ITFG2: variants seen among roughly 807,000 people sequenced by gnomAD.
The protein encoded by ITFG2 is integrin alpha FG-GAP repeat containing 2.
Under a neutral mutation model 54.4 loss-of-function variants are expected in ITFG2, and 36 were observed. The ratio of observed to expected loss-of-function variants is 0.66; its 90% CI spans 0.51 to 0.87. The LOEUF (loss-of-function observed/expected upper bound fraction) is 0.87. Ranked by LOEUF, ITFG2 falls within the 40% of genes least tolerant of loss-of-function variation. The pLI, the probability that ITFG2 is intolerant of heterozygous loss-of-function variation, is 0.00. For synonymous variants in ITFG2, 211 were observed against 225.4 expected (o/e 0.94, Z 0.57); for missense variants, 524 against 576.7 (o/e 0.91, Z 0.94).
At chr12:2,848,983 C>G in intron 2 of ITFG2, 2 of 504,118 alleles carry the variant, frequency 4.0e-6, no homozygotes, top group South Asian at 4.7e-5. Context: ...TACCCAGCCT[C>G]CTGGCCGCAG....
At chr12:2,825,790 TCTCA>T (rs2153925395), downstream of ITFG2, 1 of 152,350 alleles carries the variant, frequency 6.6e-6, no homozygotes, top group Admixed American at 6.5e-5. Context: ...GGAGACAGGG[TCTCA>T]CTCCTTCACC....
At chr12:2,832,507 GT>G (rs2098008604), upstream of ITFG2, among the ~76,000 whole-genome samples, 1 of 151,894 alleles carries the variant, frequency 6.6e-6, no homozygotes, top group Admixed American at 6.6e-5. Flanking sequence ...TGAGAGAGAG[GT>G]TGTATCTTAA....
exon 4 of ITFG2, chr12:2,859,731 G>A (rs1164105928): frequency 7.8e-6 from 9 of 1,157,424 alleles, no homozygotes; most frequent in South Asian, 1.5e-5. Flanking sequence ...TATCACATAC[G>A]GGTTCTGATC....
chr12:2,835,159 A>ATG (rs375198605), upstream of ITFG2: 64,467 of 1,095,498 alleles, frequency 0.059, 464 homozygotes, highest in East Asian at 0.092. Context: ...GATGGGGCGT[A>ATG]TGTGTGTGTG....
chr12:2,855,259 C>G (rs1228031541), intron 2 of ITFG2: 5 of 1,511,822 alleles, frequency 3.3e-6, no homozygotes, highest in Non-Finnish European at 4.4e-6. Flanking sequence ...CTGGGCGCCA[C>G]CCTTCCAAGG....
chr12:2,814,334 CT>C (rs1269856949), intron 1 of ITFG2, among the ~76,000 whole-genome samples: 3 of 152,122 alleles, frequency 2.0e-5, no homozygotes, highest in Non-Finnish European at 2.9e-5. Flanking sequence ...AAAGCATTCC[CT>C]TTTTTTATAG....
Position 2,812,728 on chromosome 12 carries a change from G to C in ITFG2, c.-33G>C. ...ACGGGGGTTCAGGGAATATTTACTG[G>C]GCCTCTCCGCTCCCTCTGCTCTTGG... is the stretch of plus-strand genomic sequence containing the variant. On this transcript the variant is annotated 5_prime_UTR_variant, in exon 1 of 12. Transcript: ENST00000228799. 1 of 1,572,576 alleles carries C rather than the reference G, an allele frequency of 6.4e-7. No homozygotes were observed. The highest frequency in any genetic ancestry group is 8.7e-7 in the Non-Finnish European group (1 of 1,144,186).
At chr12:2,827,196 T>C, downstream of ITFG2, 1 of 1,614,066 alleles carries the variant, frequency 6.2e-7, no homozygotes, top group Non-Finnish European at 8.5e-7. This position sits in a 1 kb window ranked among gnomAD's most constrained non-coding sequence, Gnocchi z 4.0. Flanking sequence ...GGGGACTGAC[T>C]GAGACAGCAG....
intron 3 of ITFG2, chr12:2,858,872 G>A (rs113780841): frequency 6.8e-5 from 109 of 1,613,998 alleles, no homozygotes; most frequent in Admixed American, 1.5e-4. Context: ...CAAAGGGGAC[G>A]GAGATGAGGT....
chr12:2,836,784 C>T (rs529432192), upstream of ITFG2: 13 of 152,270 alleles, frequency 8.5e-5, no homozygotes, highest in South Asian at 4.2e-4. Flanking sequence ...ATGGGGAGAA[C>T]GCCACGTGAA....
intron 2 of ITFG2, chr12:2,830,568 C>T (rs2097996347): frequency 4.7e-6 from 4 of 855,310 alleles, no homozygotes; most frequent in Non-Finnish European, 7.1e-6. Flanking sequence ...GGTAGAGGAT[C>T]CTGGTTAGGT....
chr12:2,849,819 C>G (rs2098064356), intron 2 of ITFG2, among the ~76,000 whole-genome samples: 1 of 152,212 alleles, frequency 6.6e-6, no homozygotes, highest in African/African-American at 2.4e-5. Context: ...AATCCAGATT[C>G]TAACTGTCCT....
chr12:2,817,939 A>T lies in ITFG2; in HGVS notation c.223A>T (p.Asn75Tyr), dbSNP rs2097927367. The T allele has an allele frequency of 6.2e-7, 1 of 1,613,770 alleles. No homozygotes were observed. The highest frequency in any genetic ancestry group is 1.7e-5 in the Admixed American group (1 of 59,920). ...TTGCGTTGGGGTTGGAGACGTGTGT[A>T]ATAAAGGAAAGGTAAGAACTATAGG... ...LTCVGVGDVC[N>Y]KGKNLLVAVS... The change falls in exon 3 of 12, where the codon AAT becomes TAT. Residue 75 changes from asparagine (N) to tyrosine (Y), a missense_variant. By Grantham distance (143) the Asn-to-Tyr change is moderately radical. Transcript: ENST00000228799.
chr12:2,833,017 C>G (rs535427085), upstream of ITFG2, among the ~76,000 whole-genome samples: 3 of 152,002 alleles, frequency 2.0e-5, no homozygotes, highest in African/African-American at 7.2e-5. Context: ...AGGCCCCTCC[C>G]GCTGTTGTGC....
At chr12:2,821,234 G>A (rs370096770) in intron 6 of ITFG2, 28 bp from the exon 7 acceptor site, 17 of 1,565,256 alleles carry the variant, frequency 1.1e-5, no homozygotes, top group African/African-American at 8.1e-5. Flanking sequence ...TTGGTCTCCC[G>A]CTTGATCCGT....
rs766524011 is a variant in ITFG2 at position 2,821,275 on chromosome 12, G to T, written c.709G>T (p.Ala237Ser). The T allele has an allele frequency of 3.7e-6, 6 of 1,607,438 alleles. No individual in the cohort carries two copies. Among genetic ancestry groups the T allele is most frequent in the Admixed American group, 1.7e-5 (1 of 59,274 alleles). ...PTDGSRETPAARDVVLHQTSG... is the reference protein window; with the variant it reads ...PTDGSRETPASRDVVLHQTSG... ...TGCTGTGCACAGGGAGACCCCAGCT[G>T]CCCGAGACGTGGTGCTGCACCAGAC... Residue 237 changes from alanine to serine, a missense_variant, in exon 7 of 12, where the codon GCC (alanine) becomes TCC (serine). Coordinates refer to ENST00000228799, the MANE Select transcript of ITFG2 (RefSeq NM_018463.4).
intron 1 of ITFG2, among the ~76,000 whole-genome samples, chr12:2,839,088 TC>T (rs1415473449): frequency 6.6e-6 from 1 of 151,980 alleles, no homozygotes; most frequent in Non-Finnish European, 1.5e-5. Context: ...GGTCAGGAGT[TC>T]GAGACCAGCC....
At chr12:2,858,932 A>T in intron 3 of ITFG2, 2 of 1,613,702 alleles carry the variant, frequency 1.2e-6, no homozygotes, top group Non-Finnish European at 1.7e-6. Context: ...GGGGGGGAGC[A>T]CTTTGCAAGG....
intron 3 of ITFG2, chr12:2,859,389 T>C (rs181525652): frequency 6.2e-7 from 1 of 1,613,938 alleles, no homozygotes; most frequent in East Asian, 2.2e-5. Context: ...GTAGGACTTC[T>C]TGGGTCTTGG....
Sources: gnomAD v4.1 joint callset for allele counts (sites outside exome capture counted in the v4.1 genomes callset) on GRCh38, gnomAD v4.1.1 for gene constraint, Gnocchi (gnomAD v3.1) non-coding constraint, MANE v1.5 for transcripts, NCBI Gene and HGNC (gene_info 2026-07-23, HGNC 2026-07-21) for gene names.